Variants in KCNAB1 observed in about 807,000 individuals in gnomAD.
The protein encoded by KCNAB1 is potassium voltage-gated channel subfamily A regulatory beta subunit 1, also known as voltage-gated potassium channel subunit beta-1.
A neutral mutation model predicts 64.6 loss-of-function variants in KCNAB1; 35 were observed. That is an observed-to-expected ratio of 0.54 (90% CI 0.41 to 0.72). KCNAB1 has a LOEUF of 0.72. KCNAB1 is among the 30% of genes least tolerant of loss of function. The probability of loss-of-function intolerance (pLI) is 0.00; values close to 1 mark genes in which losing one functional copy is unlikely to be tolerated. For synonymous variants in KCNAB1, 177 were observed against 183.8 expected, an observed-to-expected ratio of 0.96 and a Z score of 0.30; for missense variants, 401 against 512.9, an observed-to-expected ratio of 0.78 and a Z score of 2.11.
In KCNAB1 at chr3:156,211,761, C is replaced by T. The variant is rs1419458026; in HGVS notation, c.275+90875C>T. ...GATTACTCAAAGGAAATGAATGACT[C>T]CAGGAAACTGAGGGATATGTCTATC... On this transcript the variant is annotated intron_variant, in intron 1 of 13. Coordinates refer to ENST00000490337, the MANE Select transcript of KCNAB1 (RefSeq NM_172160.3). Among the ~76,000 whole-genome samples, 20 of 152,182 alleles carry T rather than the reference C, an allele frequency of 1.3e-4. 1 individual carries two copies. Among genetic ancestry groups the T allele is most frequent in the Admixed American group, 1.2e-3 (19 of 15,276 alleles).
At chr3:156,253,750 TA>T (rs1717955946) in intron 1 of KCNAB1, among the ~76,000 whole-genome samples, 1 of 152,194 alleles carries the variant, frequency 6.6e-6, no homozygotes, top group African/African-American at 2.4e-5. Flanking sequence ...GGAAACCTGT[TA>T]AAAATGCAGA....
At chr3:156,182,707 T>TA (rs1553815407) in intron 1 of KCNAB1, among the ~76,000 whole-genome samples, 2 of 150,786 alleles carry the variant, frequency 1.3e-5, no homozygotes, top group African/African-American at 4.9e-5. Flanking sequence ...TTTTTTTTTT[T>TA]TTTTTTATTT....
At chr3:156,152,441 G>C (rs1715469267) in intron 1 of KCNAB1, among the ~76,000 whole-genome samples, 1 of 152,206 alleles carries the variant, frequency 6.6e-6, no homozygotes, top group Admixed American at 6.5e-5. Flanking sequence ...CAGAGTGACG[G>C]GAGTATGGAT....
chr3:156,535,919 A>G (rs1187943330), intron 13 of KCNAB1, among the ~76,000 whole-genome samples: 2 of 152,122 alleles, frequency 1.3e-5, no homozygotes. Flanking sequence ...TGGGGACTCC[A>G]TAAAATGGCA....
chr3:156,377,861 C>T (rs567171023), intron 1 of KCNAB1, among the ~76,000 whole-genome samples: 71 of 152,208 alleles, frequency 4.7e-4, no homozygotes, highest in African/African-American at 1.5e-3. Context: ...GATTTATTCT[C>T]GGTGTGCTTC....
chr3:156,242,791 T>G (rs1284615432), intron 1 of KCNAB1, among the ~76,000 whole-genome samples: 8 of 131,638 alleles, frequency 6.1e-5, no homozygotes, highest in Admixed American at 4.2e-4. Context: ...TTTTTCAAGT[T>G]TTTTTTTTTT....
At chr3:156,176,448 C>T (rs1712375829) in intron 1 of KCNAB1, 1 of 785,844 alleles carries the variant, frequency 1.3e-6, no homozygotes, top group Admixed American at 1.7e-5. Context: ...CAGGAATTCA[C>T]AAAGGAAGTA....
At chr3:156,143,113 C>A in intron 1 of KCNAB1, 2 of 1,493,374 alleles carry the variant, frequency 1.3e-6, no homozygotes, top group Admixed American at 2.4e-5. Flanking sequence ...GTATTCACAG[C>A]AAGATACAGT....
At chr3:156,148,066 G>A (rs4378930) in intron 1 of KCNAB1, among the ~76,000 whole-genome samples, 10,802 of 152,002 alleles carry the variant, frequency 0.071, 544 homozygotes, top group Non-Finnish European at 0.1. Context: ...CCGTTATTGT[G>A]CTCTGTGACT....
At chr3:156,313,239 A>G in intron 1 of KCNAB1, among the ~76,000 whole-genome samples, 1 of 152,196 alleles carries the variant, frequency 6.6e-6, no homozygotes, top group East Asian at 1.9e-4. Context: ...CAATATTAAA[A>G]TGGACTAGAA....
intron 2 of KCNAB1, among the ~76,000 whole-genome samples, chr3:156,444,733 A>G (rs1316527791): frequency 1.3e-5 from 2 of 152,174 alleles, no homozygotes; most frequent in East Asian, 1.9e-4. Flanking sequence ...CCAGATTTCT[A>G]AGAATTTGGT....
rs535998305 is a variant in KCNAB1, at chr3:156,284,145, G to T, written c.276-137471G>T. ...GATGGTGATGTACAGATGGGTTTTT[G>T]GTGTGGGTGTCCTTTCTGTTTGTTA... On this transcript the variant is annotated intron_variant, in intron 1 of 13. Transcript: ENST00000490337. Among the ~76,000 whole-genome samples, 5 of 152,210 alleles carry T rather than the reference G, an allele frequency of 3.3e-5. No homozygotes were observed. In the South Asian group the frequency reaches 1.0e-3, roughly 32 times the overall value.
At chr3:156,364,106 G>T (rs1560218432) in intron 1 of KCNAB1, among the ~76,000 whole-genome samples, 1 of 152,220 alleles carries the variant, frequency 6.6e-6, no homozygotes, top group Non-Finnish European at 1.5e-5. Flanking sequence ...AGACTGCCAG[G>T]GTAGGGTGGC....
At chr3:156,421,502 G>A in intron 1 of KCNAB1, 114 bp from the exon 2 acceptor site, 1 of 972,622 alleles carries the variant, frequency 1.0e-6, no homozygotes, top group South Asian at 1.6e-5. Flanking sequence ...CTGTGGTTCT[G>A]CCTCTATCAG....
intron 1 of KCNAB1, among the ~76,000 whole-genome samples, chr3:156,168,737 G>A (rs990403747): frequency 3.3e-5 from 5 of 152,196 alleles, no homozygotes; most frequent in Non-Finnish European, 5.9e-5. Flanking sequence ...AGAAAACAGC[G>A]AGATGTTTTC....
At chr3:156,352,343 G>C (rs956757548) in intron 1 of KCNAB1, among the ~76,000 whole-genome samples, 5 of 152,182 alleles carry the variant, frequency 3.3e-5, no homozygotes, top group Non-Finnish European at 5.9e-5. Flanking sequence ...AAGCTATCAG[G>C]TATGCCCAGA....
chr3:156,407,012 G>C (rs941748787), intron 1 of KCNAB1, among the ~76,000 whole-genome samples: 1 of 152,142 alleles, frequency 6.6e-6, no homozygotes, highest in African/African-American at 2.4e-5. Context: ...CTCCAGCAAA[G>C]GTTAATCCAC....
chr3:156,198,017 A>G (rs1714067660), intron 1 of KCNAB1, among the ~76,000 whole-genome samples: 2 of 151,956 alleles, frequency 1.3e-5, no homozygotes, highest in African/African-American at 4.8e-5. Context: ...CAAAGAACTT[A>G]TTTATTTCTG....
At chr3:156,228,847 G>A (rs1051784671) in intron 1 of KCNAB1, among the ~76,000 whole-genome samples, 1 of 152,186 alleles carries the variant, frequency 6.6e-6, no homozygotes, top group Non-Finnish European at 1.5e-5. Flanking sequence ...ATGGCCACAT[G>A]GCCCTTTGTA....
Sources: gnomAD v4.1 joint callset for allele counts (sites outside exome capture counted in the v4.1 genomes callset) on GRCh38, gnomAD v4.1.1 for gene constraint, MANE v1.5 for transcripts, NCBI Gene and HGNC (gene_info 2026-07-23, HGNC 2026-07-21) for gene names.